BRWD1: variants seen among roughly 807,000 people sequenced by gnomAD.
BRWD1 encodes bromodomain and WD repeat domain containing 1.
A neutral mutation model predicts 251.2 loss-of-function variants in BRWD1; 82 were observed. That is an observed-to-expected ratio of 0.33 (90% CI 0.27 to 0.39). The LOEUF (loss-of-function observed/expected upper bound fraction) is 0.39. BRWD1 is among the 10% of genes least tolerant of loss of function. The pLI is 1.00. For missense variants in BRWD1, 2,233 were observed against 2,711.6 expected, an observed-to-expected ratio of 0.82 and a Z score of 3.92; for synonymous variants, 918 against 902.8, an observed-to-expected ratio of 1.02 and a Z score of -0.30.
chr21:39,248,291 A>G (rs1354477356), intron 20 of BRWD1, among the ~76,000 whole-genome samples: 1 of 152,076 alleles, frequency 6.6e-6, no homozygotes, highest in Admixed American at 6.6e-5. Flanking sequence ...ATGAGATACC[A>G]TCTCACACTA....
chr21:39,187,364 T>C lies in BRWD1; in HGVS notation c.*8895A>G. 2 of 1,610,862 alleles carry C rather than the reference T, an allele frequency of 1.2e-6. No individual in the cohort carries two copies. The highest frequency in any genetic ancestry group is 8.5e-7 in the Non-Finnish European group (1 of 1,179,128). On this transcript the variant is annotated 3_prime_UTR_variant, in exon 41 of 41. Coordinates refer to ENST00000342449, the MANE Select transcript of BRWD1 (RefSeq NM_033656.4). ...GGCATCTGCACTGCATCCTTCTGAT[T>C]ATGCATACATGTTCTCACTTTTGTA...
At chr21:39,272,544 T>C (rs1250290299) in intron 13 of BRWD1, among the ~76,000 whole-genome samples, 3 of 147,158 alleles carry the variant, frequency 2.0e-5, no homozygotes, top group African/African-American at 7.5e-5. Context: ...AAAAGTAAAA[T>C]GGAATAAAGG....
In BRWD1 at chr21:39,194,873, T is replaced by A. The variant is rs1033586582; in HGVS notation, c.*1386A>T. The A allele has an allele frequency of 6.5e-7, 1 of 1,531,732 alleles. No individual in the cohort carries two copies. Among genetic ancestry groups the A allele is most frequent in the Non-Finnish European group, 8.7e-7 (1 of 1,143,904 alleles). 94.9% of individuals were successfully genotyped at this position (1,531,732 alleles called of 1,614,324 possible). A position where few individuals can be genotyped will look rare whatever the true frequency, so the allele number is the denominator to read the frequency against. The stretch of plus-strand genomic sequence containing the variant: ...AGAAAAGGGTTAATTTTGTCTGAAA[T>A]CAAACACAATTAGGGCTAATAAATA... On this transcript the variant is annotated 3_prime_UTR_variant, in exon 41 of 41. Coordinates refer to ENST00000342449, the MANE Select transcript of BRWD1 (RefSeq NM_033656.4).
chr21:39,218,673 T>C lies in BRWD1; in HGVS notation c.3383-13A>G, dbSNP rs1220950143. ...TCAGGTGGATCAACTATGAATACCA[T>C]AAAAAACAATGAGAGGAAGAAAAAA... On this transcript the variant is annotated splice_polypyrimidine_tract_variant and intron_variant, in intron 29 of 40. Transcript: ENST00000342449. 7.7e-6 allele frequency: 12 copies of C among 1,559,120 alleles called. No homozygotes were observed. The highest frequency in any genetic ancestry group is 2.1e-5 in the Admixed American group (1 of 47,690).
chr21:39,232,131 T>G (rs368759424), intron 25 of BRWD1, 46 bp downstream of exon 25: 3 of 1,346,166 alleles, frequency 2.2e-6, no homozygotes, highest in Non-Finnish European at 3.2e-6. Context: ...AATTTAACTA[T>G]GTATGTGCTA....
intron 31 of BRWD1, chr21:39,217,071 ATATATATATATATTTTTTTTTT>A: frequency 1.3e-4 from 1 of 7,736 alleles, no homozygotes; most frequent in African/African-American, 4.7e-4. Context: ...ATATATATAT[ATATATATATATATTTTTTTTTT>A]TTTTTTTTTT....
intron 20 of BRWD1, among the ~76,000 whole-genome samples, chr21:39,250,337 A>G (rs1445466344): frequency 2.0e-5 from 3 of 152,178 alleles, no homozygotes; most frequent in Non-Finnish European, 4.4e-5. Context: ...AAAAAGAAAC[A>G]AAAATATGAT....
intron 4 of BRWD1, among the ~76,000 whole-genome samples, chr21:39,306,692 T>TCCTTTTGTATTGGAGTAGTCCTATTTG (rs1195630636): frequency 6.6e-6 from 1 of 152,196 alleles, no homozygotes; most frequent in East Asian, 1.9e-4. Flanking sequence ...TCCTTTTGTG[T>TCCTTTTGTATTGGAGTAGTCCTATTTG]GAGGAACAGA....
At chr21:39,313,128 G>A (rs1344657141) in intron 2 of BRWD1, 27 bp from the exon 3 acceptor site, 34 of 1,497,778 alleles carry the variant, frequency 2.3e-5, no homozygotes, top group Non-Finnish European at 3.0e-5. Flanking sequence ...CGCGGTCAGG[G>A]GTGGGGTCGG....
chr21:39,186,989 A>ATTG lies in BRWD1; in HGVS notation c.*9267_*9269dup. 1 of 1,520,716 alleles carries ATTG rather than the reference A, an allele frequency of 6.6e-7. No individual in the cohort carries two copies. Among genetic ancestry groups the ATTG allele is most frequent in the South Asian group, 1.4e-5 (1 of 73,326 alleles). 94.2% of individuals were successfully genotyped at this position (1,520,716 alleles called of 1,614,324 possible). A position where few individuals can be genotyped will look rare whatever the true frequency, so the allele number is the denominator to read the frequency against. On this transcript the variant is annotated 3_prime_UTR_variant, in exon 41 of 41. Transcript: ENST00000342449. ...TAACTGCCAGTTTACTTGTGTACCA[A>ATTG]TTGTTTTCAGATGCCACTTCTACAT... is the stretch of plus-strand genomic sequence containing the variant.
chr21:39,196,638 G>T lies in BRWD1; in HGVS notation c.6431C>A (p.Thr2144Asn), dbSNP rs770538231. The change falls in exon 41 of 41, where the codon ACT (threonine) becomes AAT (asparagine). Residue 2144 changes from threonine to asparagine, a missense_variant. Transcript: ENST00000342449. The stretch of plus-strand genomic sequence containing the variant: ...ATCAGGTCTAAACTTTGAATTCCCA[G>T]TTGTTTCAGAGATTTTCACATTTTC... ...ELENVKISET[T>N]GNSKFRPDTS... The T allele has an allele frequency of 4.3e-6, 7 of 1,613,722 alleles. No homozygotes were observed. In the Admixed American group the frequency reaches 8.3e-5, roughly 19 times the overall value.
chr21:39,275,560 A>T (rs2035253274), intron 12 of BRWD1, among the ~76,000 whole-genome samples: 1 of 152,176 alleles, frequency 6.6e-6, no homozygotes, highest in Admixed American at 6.5e-5. Flanking sequence ...ACAGTTAATT[A>T]TATATTATTT....
intron 13 of BRWD1, among the ~76,000 whole-genome samples, chr21:39,270,862 C>G (rs1477144203): frequency 6.6e-6 from 1 of 152,200 alleles, no homozygotes; most frequent in Non-Finnish European, 1.5e-5. Flanking sequence ...AAATAACTGA[C>G]ACACAGATGT....
chr21:39,258,726 A>G, intron 17 of BRWD1, 54 bp from the exon 18 acceptor site: 1 of 1,314,846 alleles, frequency 7.6e-7, no homozygotes, highest in Non-Finnish European at 1.0e-6. Context: ...AACAAAAAAA[A>G]ATTTCGTTAG....
At chr21:39,184,234 A>C (rs1305154476), downstream of BRWD1, 1 of 152,246 alleles carries the variant, frequency 6.6e-6, no homozygotes, top group Non-Finnish European at 1.5e-5. Context: ...TCAAAAGCTG[A>C]TGATTGTCAA....
At position 39,290,349 on chromosome 21, in the gene BRWD1, C is replaced by T. The variant is rs144287170; in HGVS notation, c.831+3462G>A. On this transcript the variant is annotated intron_variant, in intron 8 of 40. Transcript: ENST00000342449. Reference sequence around the variant, plus strand: ...CTAAAAATACAAAAAATTAGCCGGGCGTGGTGGCACGTGCCTGTAGCCCCA... The same window carrying T: ...CTAAAAATACAAAAAATTAGCCGGGTGTGGTGGCACGTGCCTGTAGCCCCA... 1.7e-3 allele frequency among the ~76,000 whole-genome samples: 257 copies of T among 152,010 alleles called. 1 individual carries two copies. Among genetic ancestry groups the T allele is most frequent in the African/African-American group, 5.8e-3 (241 of 41,456 alleles).
chr21:39,197,602 G>A (rs191680612), intron 40 of BRWD1, among the ~76,000 whole-genome samples, 187 bp from the exon 41 acceptor site: 27 of 152,262 alleles, frequency 1.8e-4, no homozygotes, highest in East Asian at 1.3e-3. Context: ...GAAATGCATC[G>A]TTAGGCTATT....
Position 39,211,472 on chromosome 21 carries a change from A to G in BRWD1, c.3901-543T>C, listed in dbSNP as rs1207598883. ...GTCAGAGTCAGAGAGAGACTGAAAA[A>G]TGCTACATTGTTGGCTTGAAAGATG... On this transcript the variant is annotated intron_variant, in intron 34 of 40. Coordinates refer to ENST00000342449, the MANE Select transcript of BRWD1 (RefSeq NM_033656.4). Among the ~76,000 whole-genome samples, 6 of 152,214 alleles carry G rather than the reference A, an allele frequency of 3.9e-5. No individual in the cohort carries two copies. In the East Asian group the frequency reaches 1.2e-3, roughly 29 times the overall value.
At position 39,192,953 on chromosome 21, in the gene BRWD1, G is replaced by A. The variant is rs1601224807; in HGVS notation, c.*3306C>T. 1 of 984,538 alleles carries A rather than the reference G, an allele frequency of 1.0e-6. No homozygotes were observed. The highest frequency in any genetic ancestry group is 1.2e-6 in the Non-Finnish European group (1 of 829,276). 61.0% of individuals were successfully genotyped at this position (984,538 alleles called of 1,614,324 possible). A position where few individuals can be genotyped will look rare whatever the true frequency, so the allele number is the denominator to read the frequency against. ...TACAAAAAAAAAAGTCTAGAAGACA[G>A]AGGGAATGTAGTGTGCACCCCTTAT... On this transcript the variant is annotated 3_prime_UTR_variant, in exon 41 of 41. Transcript: ENST00000342449.
Sources: allele counts gnomAD v4.1 joint callset (sites outside exome capture counted in the v4.1 genomes callset), GRCh38; gene constraint gnomAD v4.1.1; transcripts MANE v1.5; gene names NCBI Gene and HGNC (gene_info 2026-07-23, HGNC 2026-07-21).